Variants in C1orf74 observed in about 807,000 individuals in gnomAD.
C1orf74 encodes the protein chromosome 1 open reading frame 74.
Under a neutral mutation model 7.3 loss-of-function variants are expected in C1orf74, and 5 were observed. The observed-to-expected ratio is 0.68, with a 90% CI of 0.36 to 1.44. The LOEUF (loss-of-function observed/expected upper bound fraction) is 1.44, where lower values mean the gene tolerates loss of function less well. Among genes scored for constraint, C1orf74 ranks in the 40% most tolerant of loss-of-function variants. C1orf74 has a pLI of 0.04. For missense variants in C1orf74, 291 were observed against 314.3 expected (o/e 0.93, Z 0.56); for synonymous variants, 121 against 132.5 (o/e 0.91, Z 0.59).
rs1172173851 is a variant in C1orf74, at chr1:209,782,706, A to G, written c.*119T>C. The G allele has an allele frequency of 9.5e-7, 1 of 1,055,384 alleles. No homozygotes were observed. Among genetic ancestry groups the G allele is most frequent in the Non-Finnish European group, 1.4e-6 (1 of 722,590 alleles). The allele number at this position is 1,055,384 out of a possible 1,614,324, so 65.4% of individuals were successfully genotyped here. A position where few individuals can be genotyped will look rare whatever the true frequency, so the allele number is the denominator to read the frequency against. On this transcript the variant is annotated 3_prime_UTR_variant, in exon 2 of 2. Transcript: ENST00000294811. ...TTGCATTTGTGGCCAACTGATCTACAGCATTGTGCCTTAGTGTATTCAAGA... is the reference window on the plus strand; with the variant it reads ...TTGCATTTGTGGCCAACTGATCTACGGCATTGTGCCTTAGTGTATTCAAGA...
At position 209,783,616 on chromosome 1, in the gene C1orf74, T is replaced by A. The variant is rs1056805686; in HGVS notation, c.19A>T (p.Met7Leu). The A allele has an allele frequency of 3.1e-6, 5 of 1,597,290 alleles. No individual in the cohort carries two copies. Among genetic ancestry groups the A allele is most frequent in the Middle Eastern group, 1.8e-4 (1 of 5,540 alleles). Residue 7 changes from methionine to leucine, a missense_variant, in exon 2 of 2, where the codon ATG becomes TTG. Met to Leu is a conservative substitution (Grantham distance 15). Transcript: ENST00000294811. MLLLDL[M>L]SSPSPQLLVA... ...AGCAGCTGAGGGCTCGGTGATGACA[T>A]GAGATCTAGAAGCAACATCAAGAAT...
chr1:209,779,347 G>C lies in C1orf74; in HGVS notation c.*3478C>G. 1 of 1,614,136 alleles carries C rather than the reference G, an allele frequency of 6.2e-7. No homozygotes were observed. The highest frequency in any genetic ancestry group is 8.5e-7 in the Non-Finnish European group (1 of 1,179,982). On this transcript the variant is annotated 3_prime_UTR_variant, in exon 2 of 2. Transcript: ENST00000294811. ...TCAAAATCAATCCTTACAGCTTCAA[G>C]AACAGGAGAAACTCTTAACAAAGAA...
chr1:209,782,571 C>T lies in C1orf74; in HGVS notation c.*254G>A, dbSNP rs2077802491. ...CATCTCCTTCCTTCTATCTTTTATCCAGTGAAAATGAAAACATCTCCACTA... is the reference window on the plus strand; with the variant it reads ...CATCTCCTTCCTTCTATCTTTTATCTAGTGAAAATGAAAACATCTCCACTA... On this transcript the variant is annotated 3_prime_UTR_variant, in exon 2 of 2. Transcript: ENST00000294811. The T allele has an allele frequency of 1.9e-6, 1 of 536,250 alleles. No individual in the cohort carries two copies. The highest frequency in any genetic ancestry group is 3.3e-6 in the Non-Finnish European group (1 of 300,796). 33.2% of individuals were successfully genotyped at this position (536,250 alleles called of 1,614,324 possible).
Position 209,781,642 on chromosome 1 carries a change from C to T in C1orf74, c.*1183G>A. On this transcript the variant is annotated 3_prime_UTR_variant, in exon 2 of 2. Coordinates refer to ENST00000294811, the MANE Select transcript of C1orf74 (RefSeq NM_152485.4). ...AAAAACACTGGCTCGTCCATCAAAGCCCAACTTTCACAGAACTCTCAATGC... is the reference window on the plus strand; with the variant it reads ...AAAAACACTGGCTCGTCCATCAAAGTCCAACTTTCACAGAACTCTCAATGC... 3.9e-6 allele frequency: 2 copies of T among 518,970 alleles called. No homozygotes were observed. The highest frequency in any genetic ancestry group is 3.3e-5 in the East Asian group (1 of 30,288). The allele number at this position is 518,970 out of a possible 1,614,324, so 32.1% of individuals were successfully genotyped here.
In C1orf74 at chr1:209,782,069, G is replaced by T; in HGVS notation, c.*756C>A. ...GTCCCCCTACAGAGGCAATGTGGGC[G>T]ATGGCTCCCAGTGCTGATGGTGGTG... On this transcript the variant is annotated 3_prime_UTR_variant, in exon 2 of 2. Transcript: ENST00000294811. 1 of 1,613,994 alleles carries T rather than the reference G, an allele frequency of 6.2e-7. No homozygotes were observed. Among genetic ancestry groups the T allele is most frequent in the Non-Finnish European group, 8.5e-7 (1 of 1,179,882 alleles).
rs1351585300 is a variant in C1orf74 at position 209,782,945 on chromosome 1, G to A, written c.690C>T (p.Gly230=). The A allele has an allele frequency of 1.2e-6, 2 of 1,614,166 alleles. No individual in the cohort carries two copies. Among genetic ancestry groups the A allele is most frequent in the Non-Finnish European group, 1.7e-6 (2 of 1,180,006 alleles). ...SFSVPESLFP[G]LRDILNTWEK... is the part of the protein sequence containing the mutation. ...CCCAGGTGTTTAGAATGTCCCTCAG[G>A]CCTGGGAACAAACTCTCTGGGACAC... The change falls in exon 2 of 2, where the codon GGC becomes GGT. Residue 230 remains glycine, a synonymous_variant. Coordinates refer to ENST00000294811, the MANE Select transcript of C1orf74 (RefSeq NM_152485.4).
chr1:209,779,405 A>C lies in C1orf74; in HGVS notation c.*3420T>G. 6 of 1,592,322 alleles carry C rather than the reference A, an allele frequency of 3.8e-6. No individual in the cohort carries two copies. Among genetic ancestry groups the C allele is most frequent in the Non-Finnish European group, 5.2e-6 (6 of 1,160,214 alleles). On this transcript the variant is annotated 3_prime_UTR_variant, in exon 2 of 2. Coordinates refer to ENST00000294811, the MANE Select transcript of C1orf74 (RefSeq NM_152485.4). The stretch of plus-strand genomic sequence containing the variant: ...CAAATTTATTACCACAAATTCTAAG[A>C]TATTGCTCTTCTCTTACCTGCCTAG...
Position 209,783,210 on chromosome 1 carries a change from A to T in C1orf74, c.425T>A (p.Ile142Asn). 1.2e-6 allele frequency: 2 copies of T among 1,614,154 alleles called. No homozygotes were observed. The highest frequency in any genetic ancestry group is 1.1e-5 in the South Asian group (1 of 91,088). ...LQDLKALVAE[I>N]ITHLQGLQRD... ...CTGCAGCCCCTGCAAATGTGTGATG[A>T]TCTCAGCCACGAGGGCCTTCAAGTC... The change falls in exon 2 of 2, where the codon ATC becomes AAC. Residue 142 changes from isoleucine to asparagine, a missense_variant. Ile to Asn is a moderately radical substitution (Grantham distance 149). Transcript: ENST00000294811.
Position 209,783,247 on chromosome 1 carries a change from C to T in C1orf74, c.388G>A (p.Asp130Asn), listed in dbSNP as rs1171097186. 2 of 1,613,992 alleles carry T rather than the reference C, an allele frequency of 1.2e-6. No individual in the cohort carries two copies. Among genetic ancestry groups the T allele is most frequent in the Non-Finnish European group, 1.7e-6 (2 of 1,180,044 alleles). The part of the protein sequence containing the change: ...CQRHPSVCSL[D>N]QLQDLKALVA... ...AGGGCCTTCAAGTCCTGAAGCTGGTCCAGGGAGCAGACAGAAGGGTGACGC... is the reference window on the plus strand; with the variant it reads ...AGGGCCTTCAAGTCCTGAAGCTGGTTCAGGGAGCAGACAGAAGGGTGACGC... The change falls in exon 2 of 2, where the codon GAC becomes AAC. Residue 130 changes from aspartate to asparagine, a missense_variant. Physicochemically the swap from Asp to Asn is conservative, Grantham distance 23 (BLOSUM62 1). Transcript: ENST00000294811.
rs1239803014 is a variant in C1orf74, at chr1:209,780,039, C to A, written c.*2786G>T. 2 of 157,462 alleles carry A rather than the reference C, an allele frequency of 1.3e-5. No individual in the cohort carries two copies. Among genetic ancestry groups the A allele is most frequent in the African/African-American group, 2.4e-5 (1 of 41,606 alleles). 9.8% of individuals were successfully genotyped at this position (157,462 alleles called of 1,614,324 possible). A position where few individuals can be genotyped will look rare whatever the true frequency, so the allele number is the denominator to read the frequency against. On this transcript the variant is annotated 3_prime_UTR_variant, in exon 2 of 2. Coordinates refer to ENST00000294811, the MANE Select transcript of C1orf74 (RefSeq NM_152485.4). ...GACTGCAGGGTGGCTAAAAAACCATCTTTAACCATATGAAGATAAATTTTA... is the reference window on the plus strand; with the variant it reads ...GACTGCAGGGTGGCTAAAAAACCATATTTAACCATATGAAGATAAATTTTA...
Position 209,782,437 on chromosome 1 carries a change from C to T in C1orf74, c.*388G>A. On this transcript the variant is annotated 3_prime_UTR_variant, in exon 2 of 2. Coordinates refer to ENST00000294811, the MANE Select transcript of C1orf74 (RefSeq NM_152485.4). ...GAGGCATATAAACATGCAGAAAAGCCCCCAGCCCTACTTTCCTAGCATGCA... is the reference window on the plus strand; with the variant it reads ...GAGGCATATAAACATGCAGAAAAGCTCCCAGCCCTACTTTCCTAGCATGCA... 3 of 469,440 alleles carry T rather than the reference C, an allele frequency of 6.4e-6. No homozygotes were observed. Among genetic ancestry groups the T allele is most frequent in the Non-Finnish European group, 1.2e-5 (3 of 259,576 alleles). 29.1% of individuals were successfully genotyped at this position (469,440 alleles called of 1,614,324 possible).
In C1orf74 at chr1:209,782,468, C is replaced by T. The variant is rs1157867175; in HGVS notation, c.*357G>A. 5.8e-5 allele frequency: 27 copies of T among 463,422 alleles called. No individual in the cohort carries two copies. Among genetic ancestry groups the T allele is most frequent in the South Asian group, 3.1e-4 (13 of 42,296 alleles). The allele number at this position is 463,422 out of a possible 1,614,324, so 28.7% of individuals were successfully genotyped here. On this transcript the variant is annotated 3_prime_UTR_variant, in exon 2 of 2. Coordinates refer to ENST00000294811, the MANE Select transcript of C1orf74 (RefSeq NM_152485.4). Reference sequence around the variant, plus strand: ...CCCTACTTTCCTAGCATGCAGCACCCACATAGAGCAGGTATATTTACAAGG... The same window carrying T: ...CCCTACTTTCCTAGCATGCAGCACCTACATAGAGCAGGTATATTTACAAGG...
Position 209,781,500 on chromosome 1 carries a change from A to G in C1orf74, c.*1325T>C, listed in dbSNP as rs560317678. ...TTCCCATAAAGCCCTGGATGATGGG[A>G]CGATTCCTTCTTTAACCAAGTTTTG... On this transcript the variant is annotated 3_prime_UTR_variant, in exon 2 of 2. Coordinates refer to ENST00000294811, the MANE Select transcript of C1orf74 (RefSeq NM_152485.4). 6.8e-7 allele frequency: 1 copy of G among 1,468,016 alleles called. No homozygotes were observed. The highest frequency in any genetic ancestry group is 1.7e-5 in the Admixed American group (1 of 58,864). 90.9% of individuals were successfully genotyped at this position (1,468,016 alleles called of 1,614,324 possible).
chr1:209,780,463 T>C lies in C1orf74; in HGVS notation c.*2362A>G, dbSNP rs373001810. On this transcript the variant is annotated 3_prime_UTR_variant, in exon 2 of 2. Coordinates refer to ENST00000294811, the MANE Select transcript of C1orf74 (RefSeq NM_152485.4). ...CACTGTCACCAAGAATCTGGCTGCT[T>C]TTTTAGATCAGGCTTTGCCCGTGTG... 29 of 1,549,784 alleles carry C rather than the reference T, an allele frequency of 1.9e-5. No individual in the cohort carries two copies. Among genetic ancestry groups the C allele is most frequent in the Non-Finnish European group, 1.9e-5 (22 of 1,142,784 alleles).
chr1:209,780,619 C>T lies in C1orf74; in HGVS notation c.*2206G>A, dbSNP rs577108433. The T allele has an allele frequency of 3.2e-6, 5 of 1,554,986 alleles. No individual in the cohort carries two copies. In the Admixed American group the frequency reaches 7.5e-5, roughly 23 times the overall value. ...CAAGGAAAAGGAGGTGAGAGGGTGACCTGAGATAGTGAGGGCTCATTTGCG... is the reference window on the plus strand; with the variant it reads ...CAAGGAAAAGGAGGTGAGAGGGTGATCTGAGATAGTGAGGGCTCATTTGCG... On this transcript the variant is annotated 3_prime_UTR_variant, in exon 2 of 2. Transcript: ENST00000294811.
In C1orf74 at chr1:209,782,076, C is replaced by T. The variant is rs1558034776; in HGVS notation, c.*749G>A. ...TACAGAGGCAATGTGGGCGATGGCT[C>T]CCAGTGCTGATGGTGGTGATTGCTG... On this transcript the variant is annotated 3_prime_UTR_variant, in exon 2 of 2. Transcript: ENST00000294811. 5 of 1,613,948 alleles carry T rather than the reference C, an allele frequency of 3.1e-6. No individual in the cohort carries two copies. The African/African-American group carries it at 5.3e-5, about 17-fold the overall frequency.
In C1orf74 at chr1:209,782,620, G is replaced by T; in HGVS notation, c.*205C>A. The T allele has an allele frequency of 3.3e-6, 2 of 597,662 alleles. No individual in the cohort carries two copies. The highest frequency in any genetic ancestry group is 5.9e-6 in the Non-Finnish European group (2 of 338,056). 37.0% of individuals were successfully genotyped at this position (597,662 alleles called of 1,614,324 possible). On this transcript the variant is annotated 3_prime_UTR_variant, in exon 2 of 2. Transcript: ENST00000294811. ...TAAGAGGACTTCCTAGTATAGAAAT[G>T]GCAAGTATGTACTATCTACCAATTT...
At position 209,784,553 on chromosome 1, in the gene C1orf74, T is replaced by G. The variant is rs2077820803; in HGVS notation, c.-251A>C. 1 of 152,294 alleles carries G rather than the reference T, an allele frequency of 6.6e-6. No individual in the cohort carries two copies. Among genetic ancestry groups the G allele is most frequent in the African/African-American group, 2.4e-5 (1 of 41,468 alleles). The allele number at this position is 152,294 out of a possible 1,614,324, so 9.4% of individuals were successfully genotyped here. A position where few individuals can be genotyped will look rare whatever the true frequency, so the allele number is the denominator to read the frequency against. ...TGCTCCAGTCCCGCAGGCACCTTCT[T>G]GCGCATGCGCACCCACTCGAGTGCC... On this transcript the variant is annotated 5_prime_UTR_variant, in exon 1 of 2. Transcript: ENST00000294811.
Position 209,783,557 on chromosome 1 carries a change from TC to T in C1orf74, c.77del (p.Gly26GlufsTer14), listed in dbSNP as rs2077812572. 6.2e-7 allele frequency: 1 copy of T among 1,614,022 alleles called. No individual in the cohort carries two copies. The highest frequency in any genetic ancestry group is 8.5e-7 in the Non-Finnish European group (1 of 1,179,974). On this transcript the variant is annotated frameshift_variant, in exon 2 of 2. Transcript: ENST00000294811. LOFTEE classifies it low-confidence loss of function (END_TRUNC). ...TGGCTTGGGGTGGACTCCGTCTCTT[TC>T]CCATGCCAAGGGTCTGCTGAGCAGC... ...VAAAQQTLGM[G>X]KRRSPPQAIC...
Sources: gnomAD v4.1 joint callset for allele counts on GRCh38, gnomAD v4.1.1 for gene constraint, MANE v1.5 for transcripts, NCBI Gene and HGNC (gene_info 2026-07-23, HGNC 2026-07-21) for gene names.